The following BRINP3 variants were observed in gnomAD, a reference collection of about 807,000 sequenced individuals.
BRINP3 encodes the protein BMP/retinoic acid inducible neural specific 3.
In BRINP3, 19 loss-of-function variants were observed where a neutral mutation model predicts 71.0. That is an observed-to-expected ratio of 0.27 (90% CI 0.19 to 0.39). The LOEUF is 0.39. BRINP3 is among the 10% of genes least tolerant of loss of function. The pLI is 1.00. For synonymous variants in BRINP3, 380 were observed against 337.7 expected, an observed-to-expected ratio of 1.13 and a Z score of -1.37; for missense variants, 959 against 940.8, an observed-to-expected ratio of 1.02 and a Z score of -0.25.
intron 2 of BRINP3, among the ~76,000 whole-genome samples, chr1:190,424,270 G>C (rs1215528507): frequency 6.6e-6 from 1 of 151,476 alleles, no homozygotes; most frequent in Non-Finnish European, 1.5e-5. Flanking sequence ...ATTATTGAGG[G>C]CGGCATAAAA....
At position 190,160,880 on chromosome 1, in the gene BRINP3, C is replaced by A; in HGVS notation, c.972G>T (p.Lys324Asn). 3 of 1,592,290 alleles carry A rather than the reference C, an allele frequency of 1.9e-6. No individual in the cohort carries two copies. Among genetic ancestry groups the A allele is most frequent in the Non-Finnish European group, 2.6e-6 (3 of 1,170,248 alleles). The change falls in exon 7 of 8, where the codon AAG (lysine) becomes AAT (asparagine). Residue 324 changes from lysine (K) to asparagine (N), a missense_variant. Lys to Asn is a moderately conservative substitution (Grantham distance 94, BLOSUM62 0). Coordinates refer to ENST00000367462, the MANE Select transcript of BRINP3 (RefSeq NM_199051.3). Reference sequence around the variant, plus strand: ...TCATAGGTAGCCTTTTCATAAATAACTTGAATTCATCTGAAAAATGTCAAA... The same window carrying A: ...TCATAGGTAGCCTTTTCATAAATAAATTGAATTCATCTGAAAAATGTCAAA... ...NSDFEESDEF[K>N]LFMKRLPMNY...
chr1:190,346,318 G>A (rs1668019549), intron 2 of BRINP3, among the ~76,000 whole-genome samples: 1 of 151,978 alleles, frequency 6.6e-6, no homozygotes, highest in Non-Finnish European at 1.5e-5. Flanking sequence ...AAAATAATGG[G>A]AACACTCAAA....
At chr1:190,367,249 T>G (rs1669565389) in intron 2 of BRINP3, among the ~76,000 whole-genome samples, 2 of 152,186 alleles carry the variant, frequency 1.3e-5, no homozygotes, top group Non-Finnish European at 2.9e-5. Context: ...AATTATTTAC[T>G]TCTGTGGACC....
chr1:190,466,136 A>C (rs1010614793), intron 1 of BRINP3, among the ~76,000 whole-genome samples: 1 of 127,784 alleles, frequency 7.8e-6, no homozygotes, highest in Non-Finnish European at 1.6e-5. Flanking sequence ...TCAGTTTTAC[A>C]AAGTTTTTTT....
At chr1:190,230,299 G>A (rs1017970113) in intron 5 of BRINP3, among the ~76,000 whole-genome samples, 4 of 151,876 alleles carry the variant, frequency 2.6e-5, no homozygotes, top group Non-Finnish European at 5.9e-5. Flanking sequence ...GTAAAAAATT[G>A]TAAATTAATT....
intron 7 of BRINP3, among the ~76,000 whole-genome samples, chr1:190,113,626 C>T (rs1214557609): frequency 6.6e-6 from 1 of 152,072 alleles, no homozygotes; most frequent in African/African-American, 2.4e-5. Flanking sequence ...CAAAATAAGT[C>T]AGAATTAAAT....
Position 190,099,077 on chromosome 1 carries a change from G to T in BRINP3, c.1242C>A (p.Gly414=), listed in dbSNP as rs748884368. Residue 414 remains glycine, a synonymous_variant, in exon 8 of 8, where the codon GGC becomes GGA. Coordinates refer to ENST00000367462, the MANE Select transcript of BRINP3 (RefSeq NM_199051.3). ...TCTCTTCTGAAAAGCTGCCTAGGAG[G>T]CCGTTCTCATTGCAGTAGAGAAAAG... The part of the protein sequence containing the change: ...IQSFLYCNEN[G]LLGSFSEETH... 6.2e-7 allele frequency: 1 copy of T among 1,614,106 alleles called. No homozygotes were observed. The highest frequency in any genetic ancestry group is 8.5e-7 in the Non-Finnish European group (1 of 1,179,980).
intron 7 of BRINP3, among the ~76,000 whole-genome samples, chr1:190,137,920 C>T (rs1242255914): frequency 6.6e-6 from 1 of 151,756 alleles, no homozygotes; most frequent in Admixed American, 6.6e-5. Flanking sequence ...TGCAACCTGA[C>T]TTTACAGAAA....
intron 3 of BRINP3, among the ~76,000 whole-genome samples, chr1:190,279,633 T>C (rs1662886483): frequency 6.6e-6 from 1 of 151,814 alleles, no homozygotes; most frequent in South Asian, 2.1e-4. Context: ...TAGCCGCCTA[T>C]ATTTTTCACC....
chr1:190,269,532 C>T (rs1417212159), intron 3 of BRINP3, among the ~76,000 whole-genome samples: 1 of 151,888 alleles, frequency 6.6e-6, no homozygotes, highest in African/African-American at 2.4e-5. Context: ...CTCTAACATT[C>T]CAAGAACTCC....
At chr1:190,297,853 T>A (rs1361702060) in intron 2 of BRINP3, among the ~76,000 whole-genome samples, 1 of 151,706 alleles carries the variant, frequency 6.6e-6, no homozygotes, top group Non-Finnish European at 1.5e-5. Context: ...TGGTTTGTTA[T>A]CAGGGTAACA....
chr1:190,232,282 C>T (rs1330101131), intron 5 of BRINP3, among the ~76,000 whole-genome samples: 1 of 151,870 alleles, frequency 6.6e-6, no homozygotes, highest in Non-Finnish European at 1.5e-5. Context: ...ATATCTATAC[C>T]CTTCAAAGGA....
At chr1:190,413,986 C>T (rs1672853290) in intron 2 of BRINP3, among the ~76,000 whole-genome samples, 1 of 151,512 alleles carries the variant, frequency 6.6e-6, no homozygotes. Context: ...TTTTAGAGAC[C>T]AGGTGTTGCT....
chr1:190,221,735 C>G (rs568860987), intron 6 of BRINP3, among the ~76,000 whole-genome samples: 13 of 152,018 alleles, frequency 8.6e-5, no homozygotes, highest in Non-Finnish European at 1.5e-4. Context: ...ATACTCGATG[C>G]AACTGGAAAA....
At chr1:190,436,826 ATT>A (rs1412884147) in intron 2 of BRINP3, among the ~76,000 whole-genome samples, 2 of 151,748 alleles carry the variant, frequency 1.3e-5, no homozygotes, top group Non-Finnish European at 3.0e-5. Flanking sequence ...GGAAGCTCTT[ATT>A]GTGTCATTAT....
At chr1:190,182,091 G>A (rs1653082219) in intron 6 of BRINP3, among the ~76,000 whole-genome samples, 1 of 151,348 alleles carries the variant, frequency 6.6e-6, no homozygotes, top group Admixed American at 6.6e-5. Context: ...GGTAAATGTT[G>A]GTTCTCCCTT....
chr1:190,177,144 C>T (rs1393084939), intron 6 of BRINP3, among the ~76,000 whole-genome samples: 17 of 147,504 alleles, frequency 1.2e-4, no homozygotes, highest in Non-Finnish European at 1.9e-4. Flanking sequence ...ATGGAAGCAC[C>T]CACTTCTTTT....
chr1:190,249,553 T>C (rs1350425655), intron 4 of BRINP3, among the ~76,000 whole-genome samples: 1 of 151,858 alleles, frequency 6.6e-6, no homozygotes, highest in Non-Finnish European at 1.5e-5. Flanking sequence ...TAAAATGTGT[T>C]AACTTAAGCA....
At chr1:190,322,223 A>G (rs1666291702) in intron 2 of BRINP3, among the ~76,000 whole-genome samples, 1 of 152,080 alleles carries the variant, frequency 6.6e-6, no homozygotes, top group Non-Finnish European at 1.5e-5. Context: ...CCTTATCTCT[A>G]GAGACAAGTT....
Sources: allele counts gnomAD v4.1 joint callset (sites outside exome capture counted in the v4.1 genomes callset), GRCh38; gene constraint gnomAD v4.1.1; transcripts MANE v1.5; gene names NCBI Gene and HGNC (gene_info 2026-07-23, HGNC 2026-07-21).